Variants in GALNT13 observed in about 807,000 individuals in gnomAD.
GALNT13 encodes the protein UDP-GalNAc:polypeptide N-acetylgalactosaminyltransferase 13.
Under a neutral mutation model 64.2 loss-of-function variants are expected in GALNT13, and 28 were observed. The ratio of observed to expected loss-of-function variants is 0.44; its 90% confidence interval spans 0.32 to 0.60. The LOEUF is 0.60. Among genes scored for constraint, GALNT13 ranks in the 20% least tolerant of loss-of-function variants. The pLI is 0.05. For synonymous variants in GALNT13, 214 were observed against 224.6 expected (o/e 0.95, Z 0.42); for missense variants, 577 against 669.8 (o/e 0.86, Z 1.53).
intron 11 of GALNT13, among the ~76,000 whole-genome samples, chr2:154,428,108 T>G (rs1700548252): frequency 6.6e-6 from 1 of 152,184 alleles, no homozygotes; most frequent in Admixed American, 6.5e-5. Flanking sequence ...TTGACACACT[T>G]TTCGAATTGA....
At chr2:153,632,050 T>G in the GALNT13 span, among the ~76,000 whole-genome samples, 1 of 152,136 alleles carries the variant, frequency 6.6e-6, no homozygotes, top group African/African-American at 2.4e-5. Flanking sequence ...AACAGCATCC[T>G]TTGTCCCTCT....
intron 2 of GALNT13, among the ~76,000 whole-genome samples, chr2:153,925,369 G>A (rs989267250): frequency 8.6e-5 from 13 of 151,852 alleles, no homozygotes; most frequent in Admixed American, 2.0e-4. Flanking sequence ...TTGTAGGTGC[G>A]CAGTCTTATT....
chr2:154,213,801 A>T (rs756086172), intron 4 of GALNT13, among the ~76,000 whole-genome samples: 1 of 152,162 alleles, frequency 6.6e-6, no homozygotes, highest in African/African-American at 2.4e-5. Context: ...ATAAATATTT[A>T]TTCATTATTG....
the GALNT13 span, among the ~76,000 whole-genome samples, chr2:153,145,467 C>T: frequency 6.6e-6 from 1 of 151,914 alleles, no homozygotes. Flanking sequence ...TCAAAGGTTG[C>T]TGATTATATA....
At chr2:153,618,015 A>T in the GALNT13 span, among the ~76,000 whole-genome samples, 11 of 151,714 alleles carry the variant, frequency 7.3e-5, no homozygotes, top group Non-Finnish European at 1.3e-4. Flanking sequence ...CTTTATTTCC[A>T]TGTCATTTAT....
the GALNT13 span, among the ~76,000 whole-genome samples, chr2:153,527,947 C>A: frequency 6.6e-6 from 1 of 151,680 alleles, no homozygotes; most frequent in African/African-American, 2.4e-5. Flanking sequence ...AAATAAAAAG[C>A]AGGAAACTAA....
the GALNT13 span, among the ~76,000 whole-genome samples, chr2:153,332,545 T>TC: frequency 2.0e-5 from 3 of 151,664 alleles, no homozygotes; most frequent in Non-Finnish European, 2.9e-5. Context: ...TTTTTTTTTT[T>TC]TTTTCTTTTC....
At chr2:153,564,331 ATATT>A in the GALNT13 span, among the ~76,000 whole-genome samples, 1 of 152,166 alleles carries the variant, frequency 6.6e-6, no homozygotes, top group South Asian at 2.1e-4. Flanking sequence ...TTTGCTGAAA[ATATT>A]TATACCATAC....
chr2:153,998,472 C>G (rs543673501), intron 3 of GALNT13, among the ~76,000 whole-genome samples: 1 of 152,150 alleles, frequency 6.6e-6, no homozygotes, highest in South Asian at 2.1e-4. Flanking sequence ...TATCCTTCGC[C>G]CACTTTTTTG....
chr2:153,656,102 T>C, the GALNT13 span, among the ~76,000 whole-genome samples: 1 of 152,150 alleles, frequency 6.6e-6, no homozygotes, highest in Non-Finnish European at 1.5e-5. Context: ...ACTCAAAATG[T>C]CTTAGTACTA....
rs139754793 is a variant in GALNT13, at chr2:154,399,572, C to A, written c.1296+3442C>A. On this transcript the variant is annotated intron_variant, in intron 10 of 12. Coordinates refer to ENST00000392825, the MANE Select transcript of GALNT13 (RefSeq NM_052917.4). ...ATAAGGATGAAGCCCTCATGACTTACACACTTCCTAAAAGTCTCCACCTCT... is the reference window on the plus strand; with the variant it reads ...ATAAGGATGAAGCCCTCATGACTTAAACACTTCCTAAAAGTCTCCACCTCT... Among the ~76,000 whole-genome samples the A allele has an allele frequency of 3.4e-3, 524 of 152,228 alleles. 5 individuals are homozygous for A. The highest frequency in any genetic ancestry group is 0.011 in the African/African-American group (470 of 41,542).
the GALNT13 span, among the ~76,000 whole-genome samples, chr2:153,626,471 G>A: frequency 1.3e-5 from 2 of 152,026 alleles, no homozygotes; most frequent in African/African-American, 4.8e-5. Flanking sequence ...TGTATCTTTT[G>A]ACTCCCCTTG....
chr2:153,598,487 A>G, the GALNT13 span, among the ~76,000 whole-genome samples: 1 of 151,876 alleles, frequency 6.6e-6, no homozygotes, highest in African/African-American at 2.4e-5. Flanking sequence ...ATTTTTTCTC[A>G]TTGCACTTTT....
chr2:153,514,027 C>T, the GALNT13 span, among the ~76,000 whole-genome samples: 3 of 152,180 alleles, frequency 2.0e-5, no homozygotes, highest in African/African-American at 7.2e-5. Context: ...ATATTAAAAA[C>T]ATTACATTAT....
the GALNT13 span, among the ~76,000 whole-genome samples, chr2:153,629,618 C>T: frequency 2.6e-5 from 4 of 152,100 alleles, no homozygotes; most frequent in Admixed American, 6.6e-5. Context: ...ACACCAAAAG[C>T]AATGGCAACA....
chr2:153,592,574 A>G, the GALNT13 span, among the ~76,000 whole-genome samples: 4 of 152,322 alleles, frequency 2.6e-5, no homozygotes, highest in African/African-American at 9.6e-5. Flanking sequence ...TCATTATTTT[A>G]AGTGAAACAA....
At chr2:154,145,023 C>G (rs888278432) in intron 4 of GALNT13, among the ~76,000 whole-genome samples, 2 of 145,868 alleles carry the variant, frequency 1.4e-5, no homozygotes, top group African/African-American at 5.0e-5. Context: ...CTTGAAGGCC[C>G]TTCATTCCTG....
chr2:153,345,205 G>C, the GALNT13 span, among the ~76,000 whole-genome samples: 3 of 152,114 alleles, frequency 2.0e-5, no homozygotes, highest in Non-Finnish European at 4.4e-5. Flanking sequence ...TATAAATTGA[G>C]ATTATGAAAT....
chr2:153,469,195 G>C, the GALNT13 span, among the ~76,000 whole-genome samples: 2 of 152,118 alleles, frequency 1.3e-5, no homozygotes, highest in Admixed American at 1.3e-4. Context: ...AGGCCATTAA[G>C]TATGTTGCAA....
Sources: gnomAD v4.1 joint callset for allele counts (sites outside exome capture counted in the v4.1 genomes callset) on GRCh38, gnomAD v4.1.1 for gene constraint, MANE v1.5 for transcripts, NCBI Gene and HGNC (gene_info 2026-07-23, HGNC 2026-07-21) for gene names.